Variants in PDK1 observed in about 807,000 individuals in gnomAD.
PDK1 encodes the protein pyruvate dehydrogenase kinase 1.
In PDK1, 39 loss-of-function variants were observed where a neutral mutation model predicts 54.2. The ratio of observed to expected loss-of-function variants is 0.72; its 90% confidence interval spans 0.56 to 0.94. The LOEUF (loss-of-function observed/expected upper bound fraction) is 0.94. PDK1 is among the 40% of genes least tolerant of loss of function. The probability of loss-of-function intolerance (pLI) is 0.00; values close to 1 mark genes in which losing one functional copy is unlikely to be tolerated. For synonymous variants in PDK1, 221 were observed against 207.1 expected (o/e 1.07, Z -0.58); for missense variants, 552 against 566.0 (o/e 0.98, Z 0.25).
chr2:172,654,744 G>C, the PDK1 span, among the ~76,000 whole-genome samples: 1 of 152,054 alleles, frequency 6.6e-6, no homozygotes, highest in African/African-American at 2.4e-5. Context: ...ATGTACCCTA[G>C]AACTTAAAGT....
the PDK1 span, among the ~76,000 whole-genome samples, chr2:172,634,438 A>G: frequency 6.6e-6 from 1 of 151,446 alleles, no homozygotes; most frequent in Admixed American, 6.6e-5. Flanking sequence ...ATGCCTAGCT[A>G]ATTTTTGTAT....
At chr2:172,587,532 G>C (rs1346326073) in intron 9 of PDK1, among the ~76,000 whole-genome samples, 1 of 152,096 alleles carries the variant, frequency 6.6e-6, no homozygotes, top group African/African-American at 2.4e-5. Context: ...GCAGACCTTC[G>C]CGGTGAGTGT....
chr2:172,612,485 A>T (rs947196042), downstream of PDK1, among the ~76,000 whole-genome samples: 11 of 151,700 alleles, frequency 7.3e-5, no homozygotes, highest in Non-Finnish European at 1.5e-4. Flanking sequence ...TTTTTTTTTT[A>T]AACATTTTCA....
At chr2:172,621,362 C>G in the PDK1 span, among the ~76,000 whole-genome samples, 1 of 151,998 alleles carries the variant, frequency 6.6e-6, no homozygotes, top group Non-Finnish European at 1.5e-5. Context: ...ATTGGCTTAG[C>G]CTCTCAGCCT....
At chr2:172,713,299 T>A in the PDK1 span, among the ~76,000 whole-genome samples, 3 of 152,182 alleles carry the variant, frequency 2.0e-5, no homozygotes, top group Non-Finnish European at 2.9e-5. Context: ...GAAAAAGTAC[T>A]GTAAGTTTTC....
chr2:172,591,711 A>T (rs1035262157), intron 9 of PDK1, among the ~76,000 whole-genome samples: 1 of 152,166 alleles, frequency 6.6e-6, no homozygotes. Context: ...AGAAGTTAAG[A>T]TAATAAATGT....
At chr2:172,714,157 C>T in the PDK1 span, among the ~76,000 whole-genome samples, 1 of 152,210 alleles carries the variant, frequency 6.6e-6, no homozygotes, top group Non-Finnish European at 1.5e-5. Flanking sequence ...TGTGCCTTCT[C>T]ACACATTTTT....
chr2:172,604,331 A>G lies in PDK1; in HGVS notation c.*8362A>G, dbSNP rs13032610. ...GCCTCCCAAAGTGCTGGGATTTATA[A>G]GCGTGAGTCACCGTACCTGGCCAGA... is the stretch of plus-strand genomic sequence containing the variant. On this transcript the variant is annotated 3_prime_UTR_variant, in exon 11 of 11. Coordinates refer to ENST00000282077, the MANE Select transcript of PDK1 (RefSeq NM_002610.5). The G allele has an allele frequency of 0.18, 26,745 of 152,160 alleles. 2,818 individuals carry two copies. Among genetic ancestry groups the G allele is most frequent in the African/African-American group, 0.28 (11,608 of 41,462 alleles). 9.4% of individuals were successfully genotyped at this position (152,160 alleles called of 1,614,324 possible).
chr2:172,634,531 C>T, the PDK1 span, among the ~76,000 whole-genome samples: 1 of 151,848 alleles, frequency 6.6e-6, no homozygotes, highest in African/African-American at 2.4e-5. Context: ...CCTTGGCCTT[C>T]CAAAGTGCTG....
chr2:172,653,849 G>T, the PDK1 span, among the ~76,000 whole-genome samples: 69 of 152,156 alleles, frequency 4.5e-4, no homozygotes, highest in Admixed American at 1.4e-3. Flanking sequence ...CCTACAGAAC[G>T]GGAGAAAATT....
chr2:172,685,255 G>C, the PDK1 span, among the ~76,000 whole-genome samples: 2 of 152,186 alleles, frequency 1.3e-5, no homozygotes, highest in Non-Finnish European at 2.9e-5. Context: ...GTTCCTGACT[G>C]GCCTCTTCAA....
intron 10 of PDK1, among the ~76,000 whole-genome samples, chr2:172,595,368 C>T (rs1197038775): frequency 6.6e-6 from 1 of 152,108 alleles, no homozygotes; most frequent in Non-Finnish European, 1.5e-5. Context: ...CCGTGCCTGG[C>T]TTGTGATGAG....
the PDK1 span, among the ~76,000 whole-genome samples, chr2:172,648,393 C>T: frequency 1.2e-4 from 18 of 152,150 alleles, 1 homozygote; most frequent in South Asian, 4.1e-4. Context: ...CCAAGATGGC[C>T]GAATAGGAAC....
chr2:172,563,473 A>G (rs892108768), intron 3 of PDK1, among the ~76,000 whole-genome samples: 3 of 152,226 alleles, frequency 2.0e-5, no homozygotes, highest in African/African-American at 7.2e-5. Context: ...TTGAATAGGA[A>G]AGCACTCATT....
the PDK1 span, among the ~76,000 whole-genome samples, chr2:172,698,037 GCCA>G: frequency 2.0e-5 from 3 of 152,220 alleles, no homozygotes; most frequent in East Asian, 5.8e-4. Context: ...CAATGAGATG[GCCA>G]CCCATCTTCC....
the PDK1 span, among the ~76,000 whole-genome samples, chr2:172,638,212 A>T: frequency 2.6e-5 from 4 of 152,242 alleles, no homozygotes; most frequent in Non-Finnish European, 4.4e-5. Context: ...ACTTTTATTT[A>T]AAAAAGTAAC....
the PDK1 span, among the ~76,000 whole-genome samples, chr2:172,669,155 G>A: frequency 6.9e-6 from 1 of 145,580 alleles, no homozygotes; most frequent in African/African-American, 2.5e-5. Flanking sequence ...CGCCTCCCGG[G>A]TTCACGCCAT....
the PDK1 span, among the ~76,000 whole-genome samples, chr2:172,691,145 C>T: frequency 6.7e-6 from 1 of 150,316 alleles, no homozygotes; most frequent in Non-Finnish European, 1.5e-5. Flanking sequence ...CTTTTAGGCT[C>T]TCAGAAGTAT....
intron 8 of PDK1, among the ~76,000 whole-genome samples, chr2:172,582,507 CTT>C (rs1177108692): frequency 1.3e-5 from 2 of 152,178 alleles, no homozygotes; most frequent in Non-Finnish European, 2.9e-5. Context: ...GAAGAGAAAA[CTT>C]TAAAAATAAT....
Sources: gnomAD v4.1 joint callset for allele counts (sites outside exome capture counted in the v4.1 genomes callset) on GRCh38, gnomAD v4.1.1 for gene constraint, MANE v1.5 for transcripts, NCBI Gene and HGNC (gene_info 2026-07-23, HGNC 2026-07-21) for gene names.